SELENOT: variants seen among roughly 807,000 people sequenced by gnomAD.
SELENOT encodes thioredoxin reductase-like selenoprotein T.
In SELENOT, 9 loss-of-function variants were observed where a neutral mutation model predicts 24.3. The observed-to-expected ratio is 0.37, with a 90% CI of 0.22 to 0.65. The LOEUF (loss-of-function observed/expected upper bound fraction) is 0.65. Ranked by LOEUF, SELENOT falls within the 30% of genes least tolerant of loss-of-function variation. The pLI is 0.60. For missense variants in SELENOT, 166 were observed against 247.6 expected (o/e 0.67, Z 2.21); for synonymous variants, 81 against 86.0 (o/e 0.94, Z 0.32).
intron 1 of SELENOT, chr3:150,611,620 C>T: frequency 1.3e-6 from 2 of 1,535,730 alleles, no homozygotes; most frequent in Non-Finnish European, 1.8e-6. Flanking sequence ...TTATCCAGCT[C>T]GATCTTCACC....
chr3:150,624,173 C>T (rs1176487756), intron 3 of SELENOT, among the ~76,000 whole-genome samples: 1 of 152,112 alleles, frequency 6.6e-6, no homozygotes, highest in East Asian at 1.9e-4. Flanking sequence ...TAAAAACAAA[C>T]CCCACCTAGC....
Position 150,623,100 on chromosome 3 carries a change from T to C in SELENOT, c.306T>C (p.Val102=), listed in dbSNP as rs375506685. The change falls in exon 3 of 6, where the codon GTT becomes GTC. Residue 102 remains valine (V), a synonymous_variant. Transcript: ENST00000471696. ...TAGTATTAATAGGCTTAATAATTGTTGGCAAGGATCCTTTTGCTTTCTTTG... is the reference window on the plus strand; with the variant it reads ...TAGTATTAATAGGCTTAATAATTGTCGGCAAGGATCCTTTTGCTTTCTTTG... The part of the protein sequence containing the change: ...FKLVLIGLII[V]GKDPFAFFGM... The C allele has an allele frequency of 5.3e-5, 85 of 1,606,154 alleles. No individual in the cohort carries two copies. The African/African-American group carries it at 1.1e-3, about 20-fold the overall frequency.
intron 1 of SELENOT, among the ~76,000 whole-genome samples, chr3:150,611,110 T>A (rs1377064973): frequency 6.6e-6 from 1 of 152,226 alleles, no homozygotes; most frequent in Non-Finnish European, 1.5e-5. Context: ...AAGCTCATTT[T>A]ACATGAGTTT....
chr3:150,611,539 C>G, intron 1 of SELENOT: 2 of 1,153,270 alleles, frequency 1.7e-6, no homozygotes, highest in Admixed American at 1.7e-5. Context: ...ACTCCCTTTT[C>G]TCTTTCTTCT....
Position 150,630,332 on chromosome 3 carries a change from C to A in SELENOT, c.*2703C>A, listed in dbSNP as rs755978603. On this transcript the variant is annotated 3_prime_UTR_variant, in exon 6 of 6. Coordinates refer to ENST00000471696, the MANE Select transcript of SELENOT (RefSeq NM_016275.5). Reference sequence around the variant, plus strand: ...TTAAACATGGTGTGGTATTCTAAAGCCTTTTTTTTAAAAAAAGAGATCTTT... The same window carrying A: ...TTAAACATGGTGTGGTATTCTAAAGACTTTTTTTTAAAAAAAGAGATCTTT... 3.3e-5 allele frequency: 5 copies of A among 151,892 alleles called. No individual in the cohort carries two copies. Among genetic ancestry groups the A allele is most frequent in the Non-Finnish European group, 5.9e-5 (4 of 67,972 alleles). 9.4% of individuals were successfully genotyped at this position (151,892 alleles called of 1,614,324 possible).
chr3:150,618,523 C>T (rs1453963185), intron 1 of SELENOT, among the ~76,000 whole-genome samples: 1 of 152,098 alleles, frequency 6.6e-6, no homozygotes, highest in Non-Finnish European at 1.5e-5. Context: ...GAATGGTTGG[C>T]ACTATGAATT....
At chr3:150,617,420 G>A (rs2108010717) in intron 1 of SELENOT, among the ~76,000 whole-genome samples, 1 of 152,310 alleles carries the variant, frequency 6.6e-6, no homozygotes, top group African/African-American at 2.4e-5. Context: ...GGGCAACATA[G>A]TGAGATCTCA....
chr3:150,604,422 C>T (rs1052663874), intron 1 of SELENOT, among the ~76,000 whole-genome samples: 1 of 152,156 alleles, frequency 6.6e-6, no homozygotes, highest in African/African-American at 2.4e-5. Context: ...GAATCTTACA[C>T]CTCCAAAGAT....
At chr3:150,612,451 G>A (rs1236382825) in intron 1 of SELENOT, among the ~76,000 whole-genome samples, 1 of 152,084 alleles carries the variant, frequency 6.6e-6, no homozygotes, top group Non-Finnish European at 1.5e-5. Flanking sequence ...ATCCTTTGAG[G>A]ATAATTAGAT....
At position 150,603,503 on chromosome 3, in the gene SELENOT, A is replaced by T; in HGVS notation, c.137+4A>T. ...CGCTGCTCAAGTTCCAGATTTGGTG[A>T]GTATGTGCACTGGGCCCCGGCCACC... On this transcript the variant is annotated splice_donor_region_variant and intron_variant, in intron 1 of 5. Coordinates refer to ENST00000471696, the MANE Select transcript of SELENOT (RefSeq NM_016275.5). 1 of 1,602,848 alleles carries T rather than the reference A, an allele frequency of 6.2e-7. No individual in the cohort carries two copies. Among genetic ancestry groups the T allele is most frequent in the Non-Finnish European group, 8.5e-7 (1 of 1,172,474 alleles).
chr3:150,611,215 G>A (rs1364239191), intron 1 of SELENOT: 23 of 903,544 alleles, frequency 2.5e-5, no homozygotes, highest in South Asian at 2.0e-4. Context: ...GTGAAAAAGC[G>A]GTAAACAGTG....
At chr3:150,619,501 A>G (rs1336485754) in intron 1 of SELENOT, among the ~76,000 whole-genome samples, 1 of 152,262 alleles carries the variant, frequency 6.6e-6, no homozygotes, top group Admixed American at 6.5e-5. Flanking sequence ...GCGCCACTGC[A>G]CGCTAGCCTG....
At chr3:150,620,490 TACTC>T (rs1244753973) in intron 1 of SELENOT, among the ~76,000 whole-genome samples, 1 of 152,228 alleles carries the variant, frequency 6.6e-6, no homozygotes, top group Non-Finnish European at 1.5e-5. Context: ...GTATCTGTGT[TACTC>T]ACCACTAAAT....
Position 150,627,169 on chromosome 3 carries a change from T to G in SELENOT, c.*29+6T>G. 1 of 1,592,458 alleles carries G rather than the reference T, an allele frequency of 6.3e-7. No individual in the cohort carries two copies. The highest frequency in any genetic ancestry group is 1.7e-5 in the Admixed American group (1 of 57,564). ...TCAGCACTGAAAACTCTTTTGTAAG[T>G]TGTTTAAAATATAGCTAATGTATAG... is the stretch of plus-strand genomic sequence containing the variant. On this transcript the variant is annotated splice_donor_region_variant and intron_variant, in intron 5 of 5. Coordinates refer to ENST00000471696, the MANE Select transcript of SELENOT (RefSeq NM_016275.5).
chr3:150,627,010 A>G lies in SELENOT; in HGVS notation c.464A>G (p.Asp155Gly), dbSNP rs1726458874. ...STGAFEITLNDVPVWSKLESG... is the reference protein window; with the variant it reads ...STGAFEITLNGVPVWSKLESG... ...GGGGCGGTGCCATTTATTTTTATAG[A>G]TGTACCTGTGTGGTCTAAGCTGGAA... The change falls in exon 5 of 6, where the codon GAT (aspartate) becomes GGT (glycine). Residue 155 changes from aspartate (D) to glycine (G), a missense_variant and splice_region_variant. Physicochemically the swap from Asp to Gly is moderately conservative, Grantham distance 94. Around this residue, in one of 5 missense-constraint regions of SELENOT, gnomAD observed 44 missense variants for 72.2 expected, o/e 0.61. Coordinates refer to ENST00000471696, the MANE Select transcript of SELENOT (RefSeq NM_016275.5). 2 of 1,610,806 alleles carry G rather than the reference A, an allele frequency of 1.2e-6. No homozygotes were observed.
In SELENOT at chr3:150,603,398, T is replaced by C. The variant is rs1725889059; in HGVS notation, c.36T>C (p.Ser12=). The change falls in exon 1 of 6, where the codon TCT becomes TCC. Residue 12 remains serine (S), a synonymous_variant. Coordinates refer to ENST00000471696, the MANE Select transcript of SELENOT (RefSeq NM_016275.5). ...RLLLLLLVAA[S]AMVRSEASAN... ...TGCTGCTTCTCCTAGTGGCGGCGTC[T>C]GCGATGGTCCGGAGCGAGGCCTCGG... 6.2e-7 allele frequency: 1 copy of C among 1,612,992 alleles called. No homozygotes were observed. Among genetic ancestry groups the C allele is most frequent in the Non-Finnish European group, 8.5e-7 (1 of 1,179,284 alleles).
chr3:150,609,009 GCCT>G (rs1726028124), intron 1 of SELENOT, among the ~76,000 whole-genome samples: 1 of 152,108 alleles, frequency 6.6e-6, no homozygotes, highest in Non-Finnish European at 1.5e-5. Flanking sequence ...TGATTGTTCT[GCCT>G]AGGACTTCTA....
At chr3:150,612,245 AC>A (rs1401195114) in intron 1 of SELENOT, among the ~76,000 whole-genome samples, 2 of 152,056 alleles carry the variant, frequency 1.3e-5, no homozygotes, top group Admixed American at 6.6e-5. Context: ...GGCGCCCGCC[AC>A]CGCACCCAGC....
chr3:150,606,899 T>G (rs1182304878), intron 1 of SELENOT, among the ~76,000 whole-genome samples: 1 of 152,174 alleles, frequency 6.6e-6, no homozygotes, highest in Non-Finnish European at 1.5e-5. Context: ...CGGCTGAAAT[T>G]CCCTTTTTGT....
Sources: gnomAD v4.1 joint callset for allele counts (sites outside exome capture counted in the v4.1 genomes callset) on GRCh38, gnomAD v4.1.1 for gene constraint, gnomAD v4.1.1 regional missense constraint, MANE v1.5 for transcripts, NCBI Gene and HGNC (gene_info 2026-07-23, HGNC 2026-07-21) for gene names.